OVCH2: variants seen among roughly 807,000 people sequenced by gnomAD.
OVCH2 encodes the protein ovochymase-2.
A neutral mutation model predicts 73.7 loss-of-function variants in OVCH2; 88 were observed. That is an observed-to-expected ratio of 1.19 (90% CI 1.01 to 1.43). The LOEUF is 1.43. Among genes scored for constraint, OVCH2 ranks in the 40% most tolerant of loss-of-function variants. The probability of loss-of-function intolerance (pLI) is 0.00; values close to 1 mark genes in which losing one functional copy is unlikely to be tolerated. For missense variants in OVCH2, 706 were observed against 674.5 expected, an observed-to-expected ratio of 1.05 and a Z score of -0.52; for synonymous variants, 265 against 234.5, an observed-to-expected ratio of 1.13 and a Z score of -1.19.
chr11:7,706,450 A>T lies in OVCH2; in HGVS notation c.-56T>A, dbSNP rs745616032. 1 of 1,523,376 alleles carries T rather than the reference A, an allele frequency of 6.6e-7. No individual in the cohort carries two copies. Among genetic ancestry groups the T allele is most frequent in the Non-Finnish European group, 8.8e-7 (1 of 1,138,698 alleles). 94.4% of individuals were successfully genotyped at this position (1,523,376 alleles called of 1,614,324 possible). ...TAGAGAGACTAAAGCAAACAAAAAT[A>T]GGAAGCCTTGAGAGACCAGCAATAA... On this transcript the variant is annotated 5_prime_UTR_variant, in exon 1 of 16. Transcript: ENST00000533663.
At chr11:7,689,828 TTGGAGGAA>T (rs1306793136) in intron 15 of OVCH2, 88 bp downstream of exon 15, 1 of 771,966 alleles carries the variant, frequency 1.3e-6, no homozygotes, top group Non-Finnish European at 2.2e-6. Flanking sequence ...CTAGTATATT[TTGGAGGAA>T]GATGGAATTA....
chr11:7,693,295 A>G (rs1856257199), intron 12 of OVCH2, among the ~76,000 whole-genome samples: 1 of 152,166 alleles, frequency 6.6e-6, no homozygotes, highest in Admixed American at 6.5e-5. Context: ...GGGGAGGGGG[A>G]CCTGTATCAG....
chr11:7,691,270 T>G lies in OVCH2; in HGVS notation c.1638A>C (p.Ala546=), dbSNP rs748133600. The G allele has an allele frequency of 1.9e-6, 3 of 1,608,530 alleles. No homozygotes were observed. The highest frequency in any genetic ancestry group is 1.7e-5 in the Admixed American group (1 of 59,026). The part of the protein sequence containing the change: ...FQATVSFIPK[A]VYPDLNISIS... Reference sequence around the variant, plus strand: ...GAGTTGGTAACTCTATCTTCTTACCTGCTTTAGGAATGAAGGAGACTGTAG... The same window carrying G: ...GAGTTGGTAACTCTATCTTCTTACCGGCTTTAGGAATGAAGGAGACTGTAG... Residue 546 remains alanine (A), a splice_region_variant and synonymous_variant, in exon 14 of 16, where the codon GCA becomes GCC. Transcript: ENST00000533663.
chr11:7,701,180 G>C, intron 6 of OVCH2, 144 bp downstream of exon 6: 1 of 1,106,204 alleles, frequency 9.0e-7, no homozygotes. Context: ...GACCCTTATA[G>C]CTTCTTCAAG....
chr11:7,706,176 A>T, intron 1 of OVCH2, 131 bp downstream of exon 1: 2 of 979,698 alleles, frequency 2.0e-6, no homozygotes, highest in Non-Finnish European at 3.0e-6. Flanking sequence ...TAATTGTTTA[A>T]AAACAATTAG....
chr11:7,690,324 T>A (rs1253074920), intron 14 of OVCH2, among the ~76,000 whole-genome samples: 7 of 152,238 alleles, frequency 4.6e-5, no homozygotes, highest in Non-Finnish European at 1.0e-4. Context: ...GTCCAGGGCC[T>A]GGAACTGGTG....
At position 7,695,656 on chromosome 11, in the gene OVCH2, A is replaced by C. The variant is rs1375193107; in HGVS notation, c.1196T>G (p.Leu399Arg). 6.2e-7 allele frequency: 1 copy of C among 1,613,612 alleles called. No individual in the cohort carries two copies. Among genetic ancestry groups the C allele is most frequent in the Non-Finnish European group, 8.5e-7 (1 of 1,179,796 alleles). Residue 399 changes from leucine to arginine, a missense_variant, in exon 11 of 16, where the codon CTA (leucine) becomes CGA (arginine). By Grantham distance (102) the Leu-to-Arg change is moderately radical. Transcript: ENST00000533663. ...PSSILIGSNS[L>R]RLKFVSDATD... ...GGCATCAGAGACGAATTTCAGCCTTAGAGAATTAGAGCCAATAAGAATGGA... is the reference window on the plus strand; with the variant it reads ...GGCATCAGAGACGAATTTCAGCCTTCGAGAATTAGAGCCAATAAGAATGGA...
chr11:7,687,454 C>T (rs970813299), downstream of OVCH2, among the ~76,000 whole-genome samples: 2 of 152,220 alleles, frequency 1.3e-5, no homozygotes, highest in African/African-American at 4.8e-5. Context: ...ACTCCTGAAG[C>T]CTGAGAGCTT....
chr11:7,698,553 C>T (rs1856377634), intron 8 of OVCH2, among the ~76,000 whole-genome samples, 197 bp downstream of exon 8: 1 of 152,118 alleles, frequency 6.6e-6, no homozygotes, highest in Admixed American at 6.5e-5. Context: ...TGGGACAGAG[C>T]TCTGGATTGC....
the OVCH2 span, among the ~76,000 whole-genome samples, chr11:7,679,961 C>T: frequency 8.5e-5 from 13 of 152,198 alleles, no homozygotes; most frequent in African/African-American, 2.4e-4. Flanking sequence ...ATGGGAGCTC[C>T]GTGACCCTTC....
chr11:7,684,506 ATG>A (rs55770590), downstream of OVCH2, among the ~76,000 whole-genome samples: 39,952 of 141,114 alleles, frequency 0.28, 6,379 homozygotes, highest in Non-Finnish European at 0.36. Context: ...ATACATACAT[ATG>A]TGTGTGTGTG....
In OVCH2 at chr11:7,695,123, C is replaced by T. The variant is rs1462347696; in HGVS notation, c.1348G>A (p.Glu450Lys). The T allele has an allele frequency of 4.5e-6, 7 of 1,554,088 alleles. No homozygotes were observed. The highest frequency in any genetic ancestry group is 1.4e-5 in the African/African-American group (1 of 73,228). ...EGLIQSLNYP[E>K]NYSDKANCDW... Reference sequence around the variant, plus strand: ...CAGTTAGCCTTGTCACTGTAGTTTTCAGGATAGTTTAGACTCTGTATGAGA... The same window carrying T: ...CAGTTAGCCTTGTCACTGTAGTTTTTAGGATAGTTTAGACTCTGTATGAGA... The change falls in exon 12 of 16, where the codon GAA (glutamate) becomes AAA (lysine). Residue 450 changes from glutamate (E) to lysine (K), a missense_variant. Coordinates refer to ENST00000533663, the MANE Select transcript of OVCH2 (RefSeq NM_198185.7).
chr11:7,689,571 T>G lies in OVCH2; in HGVS notation c.*63A>C, dbSNP rs1344583583. 2 of 461,668 alleles carry G rather than the reference T, an allele frequency of 4.3e-6. No individual in the cohort carries two copies. The highest frequency in any genetic ancestry group is 4.0e-5 in the African/African-American group (2 of 50,394). The allele number at this position is 461,668 out of a possible 1,614,324, so 28.6% of individuals were successfully genotyped here. On this transcript the variant is annotated 3_prime_UTR_variant, in exon 16 of 16. Coordinates refer to ENST00000533663, the MANE Select transcript of OVCH2 (RefSeq NM_198185.7). ...CCCAAGCCTCTCCTCTAGCTTCTGG[T>G]GGTTTACTGACAGTCACTGGTGCCC... is the stretch of plus-strand genomic sequence containing the variant.
At chr11:7,696,853 G>A in intron 8 of OVCH2, 54 bp from the exon 9 acceptor site, 2 of 1,515,736 alleles carry the variant, frequency 1.3e-6, no homozygotes, top group Non-Finnish European at 1.8e-6. Flanking sequence ...AACCACAGCA[G>A]CCCCTCCCTC....
intron 1 of OVCH2, chr11:7,705,656 G>A (rs959172299): frequency 1.3e-5 from 2 of 152,234 alleles, no homozygotes; most frequent in South Asian, 2.1e-4. Flanking sequence ...GAATGTAACA[G>A]TAAGTGTTTT....
chr11:7,682,055 G>T, the OVCH2 span, among the ~76,000 whole-genome samples: 1 of 152,202 alleles, frequency 6.6e-6, no homozygotes, highest in African/African-American at 2.4e-5. Context: ...TGAAAATAGA[G>T]CAAATTGGGC....
Position 7,702,139 on chromosome 11 carries a change from T to C in OVCH2, c.463+18A>G, listed in dbSNP as rs748263135. On this transcript the variant is annotated intron_variant, in intron 4 of 15. Coordinates refer to ENST00000533663, the MANE Select transcript of OVCH2 (RefSeq NM_198185.7). Reference sequence around the variant, plus strand: ...AGAACATGGGGTAGACAATTCAGTATGATCCTCAAATGTTTACCAAATTGG... The same window carrying C: ...AGAACATGGGGTAGACAATTCAGTACGATCCTCAAATGTTTACCAAATTGG... 18 of 1,582,434 alleles carry C rather than the reference T, an allele frequency of 1.1e-5. No individual in the cohort carries two copies. Among genetic ancestry groups the C allele is most frequent in the Non-Finnish European group, 1.4e-5 (16 of 1,153,412 alleles).
intron 3 of OVCH2, 79 bp downstream of exon 3, chr11:7,703,619 T>G: frequency 1.7e-6 from 2 of 1,158,014 alleles, no homozygotes; most frequent in Non-Finnish European, 1.2e-6. Flanking sequence ...GGTCCATGTT[T>G]TAATAGGGTT....
intron 1 of OVCH2, among the ~76,000 whole-genome samples, 196 bp from the exon 2 acceptor site, chr11:7,704,870 G>A (rs962201980): frequency 1.3e-5 from 2 of 152,164 alleles, no homozygotes; most frequent in Admixed American, 6.5e-5. Context: ...GGAGAGTGGA[G>A]TGAAGTGTCC....
Sources: gnomAD v4.1 joint callset for allele counts (sites outside exome capture counted in the v4.1 genomes callset) on GRCh38, gnomAD v4.1.1 for gene constraint, MANE v1.5 for transcripts, NCBI Gene and HGNC (gene_info 2026-07-23, HGNC 2026-07-21) for gene names.